Variants in SLC25A48 observed in about 807,000 individuals in gnomAD.
The protein encoded by SLC25A48 is solute carrier family 25 member 48, also known as CTC-321K16.1.
SLC25A48 carries 29 observed loss-of-function variants against 32.2 expected under a neutral mutation model. That is an observed-to-expected ratio of 0.90 (90% CI 0.67 to 1.23). SLC25A48 has a LOEUF of 1.23. SLC25A48 is among the 50% of genes most tolerant of loss of function. The pLI is 0.00. For missense variants in SLC25A48, 399 were observed against 422.7 expected, an observed-to-expected ratio of 0.94 and a Z score of 0.49; for synonymous variants, 164 against 172.3, an observed-to-expected ratio of 0.95 and a Z score of 0.38.
At chr5:135,819,692 A>C (rs570990904) in intron 4 of SLC25A48, among the ~76,000 whole-genome samples, 2 of 152,330 alleles carry the variant, frequency 1.3e-5, no homozygotes, top group African/African-American at 2.4e-5. Flanking sequence ...AGGTGTGTAC[A>C]TATGTGAAAA....
Position 135,750,189 on chromosome 5 carries a change from A to C in SLC25A48, c.-520-62334A>C, listed in dbSNP as rs1256067543. On this transcript the variant is annotated intron_variant, in intron 3 of 10. Coordinates refer to the SLC25A48 transcript ENST00000646290. ...AAAGGGCGTTGACCCCTGGGCTAAG[A>C]ACTCAAGCCATAAATCTGAGCATCA... 3.3e-5 allele frequency among the ~76,000 whole-genome samples: 5 copies of C among 152,326 alleles called. No homozygotes were observed. In the East Asian group the frequency reaches 9.6e-4, roughly 29 times the overall value.
intron 3 of SLC25A48, among the ~76,000 whole-genome samples, chr5:135,671,343 A>G (rs1753648890): frequency 2.6e-5 from 4 of 152,210 alleles, no homozygotes; most frequent in Admixed American, 2.6e-4. Flanking sequence ...AAGGCTGGCC[A>G]TGGTGCCCTT....
chr5:135,691,620 C>A (rs1443616113), intron 3 of SLC25A48, among the ~76,000 whole-genome samples: 1 of 152,192 alleles, frequency 6.6e-6, no homozygotes, highest in African/African-American at 2.4e-5. Flanking sequence ...GAGTCCCAGG[C>A]AAACTGGGAC....
intron 1 of SLC25A48, among the ~76,000 whole-genome samples, chr5:135,837,874 A>C (rs556338852): frequency 7.9e-5 from 12 of 152,230 alleles, no homozygotes; most frequent in Non-Finnish European, 1.8e-4. Flanking sequence ...CTAATACAGT[A>C]AGTTGGTACC....
chr5:135,766,996 G>A (rs1385751385), intron 3 of SLC25A48, among the ~76,000 whole-genome samples: 1 of 151,730 alleles, frequency 6.6e-6, no homozygotes, highest in Non-Finnish European at 1.5e-5. Flanking sequence ...AATATACAGG[G>A]GAAAAGAGGG....
At chr5:135,835,168 C>T (rs767678585) in intron 1 of SLC25A48, 61 of 657,026 alleles carry the variant, frequency 9.3e-5, no homozygotes, top group South Asian at 4.7e-4. Flanking sequence ...TTAAACAGCT[C>T]GTCAAAGCCC....
chr5:135,818,852 AAAG>A (rs1348341642), intron 4 of SLC25A48, among the ~76,000 whole-genome samples: 2 of 152,234 alleles, frequency 1.3e-5, no homozygotes, highest in Non-Finnish European at 2.9e-5. Context: ...GCACGAATAA[AAAG>A]AAGTTCTCAA....
chr5:135,714,188 C>T (rs1377637495), intron 3 of SLC25A48, among the ~76,000 whole-genome samples: 1 of 152,176 alleles, frequency 6.6e-6, no homozygotes, highest in Admixed American at 6.5e-5. Context: ...GAGGGGTTGG[C>T]ATGCCCCTGT....
intron 1 of SLC25A48, among the ~76,000 whole-genome samples, chr5:135,605,300 T>C (rs1298855946): frequency 3.9e-5 from 6 of 152,262 alleles, no homozygotes; most frequent in African/African-American, 1.4e-4. Context: ...AGATTGGTTC[T>C]AAATGATGAG....
intron 4 of SLC25A48, among the ~76,000 whole-genome samples, chr5:135,857,978 T>C (rs766898841): frequency 6.6e-6 from 1 of 152,142 alleles, no homozygotes; most frequent in Non-Finnish European, 1.5e-5. Context: ...CTCTGAGCAG[T>C]GAGAACACAG....
chr5:135,819,197 TGTG>T (rs1757816823), intron 4 of SLC25A48, among the ~76,000 whole-genome samples: 2 of 151,490 alleles, frequency 1.3e-5, no homozygotes, highest in African/African-American at 4.9e-5. Context: ...GCTTCCTAAA[TGTG>T]GTGAAAAATG....
At chr5:135,669,743 C>T (rs1008127449) in intron 3 of SLC25A48, among the ~76,000 whole-genome samples, 7 of 152,220 alleles carry the variant, frequency 4.6e-5, no homozygotes, top group South Asian at 4.1e-4. Context: ...TCTCAATGAA[C>T]AGCCTCATGC....
intron 3 of SLC25A48, among the ~76,000 whole-genome samples, chr5:135,807,084 TG>T (rs909369595): frequency 1.3e-5 from 2 of 150,644 alleles, no homozygotes; most frequent in Non-Finnish European, 3.0e-5. Flanking sequence ...AATATCATAG[TG>T]GGTTTAACAC....
At chr5:135,584,665 T>A (rs1352763664) in intron 1 of SLC25A48, among the ~76,000 whole-genome samples, 2 of 152,208 alleles carry the variant, frequency 1.3e-5, no homozygotes, top group African/African-American at 4.8e-5. Context: ...ATTCTCATAA[T>A]GGAGAAATAC....
chr5:135,639,298 T>G (rs1342449657), intron 3 of SLC25A48, among the ~76,000 whole-genome samples: 4 of 152,216 alleles, frequency 2.6e-5, no homozygotes, highest in Non-Finnish European at 4.4e-5. Flanking sequence ...ATGAAAACTT[T>G]CAGTCTCACA....
intron 6 of SLC25A48, 52 bp downstream of exon 6, chr5:135,874,206 C>G: frequency 7.1e-7 from 1 of 1,398,916 alleles, no homozygotes; most frequent in Non-Finnish European, 9.2e-7. Context: ...GAAGGTGGTT[C>G]ACACATTTAG....
rs1751867564 is a variant in SLC25A48, at chr5:135,603,954, A to G, written c.-849+24357A>G. 3.9e-5 allele frequency among the ~76,000 whole-genome samples: 6 copies of G among 152,286 alleles called. No homozygotes were observed. The South Asian group carries it at 1.2e-3, about 32-fold the overall frequency. ...CCCTGCCCCCTTCCCAGGCCAGTGA[A>G]ATGAGTACAGGGGAAAGCAGACGGT... On this transcript the variant is annotated intron_variant, in intron 1 of 10. Coordinates refer to the SLC25A48 transcript ENST00000646290.
chr5:135,880,220 G>A (rs367966258), intron 7 of SLC25A48, 123 bp downstream of exon 7: 11 of 1,360,816 alleles, frequency 8.1e-6, no homozygotes, highest in African/African-American at 1.5e-5. Flanking sequence ...TCTAATCTGT[G>A]GTAGGCTGGG....
At chr5:135,587,406 A>G (rs2126873454) in intron 1 of SLC25A48, among the ~76,000 whole-genome samples, 1 of 152,344 alleles carries the variant, frequency 6.6e-6, no homozygotes, top group South Asian at 2.1e-4. Context: ...CAGATGGAAA[A>G]GAAAAAATGT....
Sources: allele counts gnomAD v4.1 joint callset (sites outside exome capture counted in the v4.1 genomes callset), GRCh38; gene constraint gnomAD v4.1.1; transcripts MANE v1.5; gene names NCBI Gene and HGNC (gene_info 2026-07-23, HGNC 2026-07-21).